FRMPD2: variants seen among roughly 807,000 people sequenced by gnomAD.
The protein encoded by FRMPD2 is FERM and PDZ domain-containing protein 2.
In FRMPD2, 96 loss-of-function variants were observed where a neutral mutation model predicts 140.1. The observed-to-expected ratio is 0.69, with a 90% CI of 0.58 to 0.81. The LOEUF (loss-of-function observed/expected upper bound fraction) is 0.81, where lower values mean the gene tolerates loss of function less well. Among genes scored for constraint, FRMPD2 ranks in the 40% least tolerant of loss-of-function variants. The probability of loss-of-function intolerance (pLI) is 0.00; values close to 1 mark genes in which losing one functional copy is unlikely to be tolerated. For synonymous variants in FRMPD2, 449 were observed against 547.6 expected (o/e 0.82, Z 2.52); for missense variants, 1,240 against 1,447.4 (o/e 0.86, Z 2.32).
chr10:48,174,215 A>T (rs2132410367), intron 24 of FRMPD2, among the ~76,000 whole-genome samples: 1 of 152,022 alleles, frequency 6.6e-6, no homozygotes, highest in Non-Finnish European at 1.5e-5. Context: ...TTGCCAAAAG[A>T]GGGTGATGCC....
rs1206565213 is a variant in FRMPD2, at chr10:48,184,643, C to T, written c.2507G>A (p.Gly836Asp). The change falls in exon 20 of 29, where the codon GGC (glycine) becomes GAC (aspartate). Residue 836 changes from glycine to aspartate, a missense_variant. Around this residue, in one of 6 missense-constraint regions of FRMPD2, gnomAD observed 1,161 missense variants for 1,055.9 expected, o/e 1.10. Coordinates refer to ENST00000374201, the MANE Select transcript of FRMPD2 (RefSeq NM_001018071.4). ...CCTAACAGCCATGTTGAATGTGAAG[C>T]CCTCCAGACTGATGTGATTCAGGGC... ...ILALNHISLEGFTFNMAVRMI... is the reference protein window; with the variant it reads ...ILALNHISLEDFTFNMAVRMI... 6.2e-7 allele frequency: 1 copy of T among 1,613,634 alleles called. No homozygotes were observed. Among genetic ancestry groups the T allele is most frequent in the Non-Finnish European group, 8.5e-7 (1 of 1,179,552 alleles).
chr10:48,236,627 G>A lies in FRMPD2; in HGVS notation c.922-74C>T, dbSNP rs1839973871. 2.0e-5 allele frequency: 27 copies of A among 1,340,112 alleles called. No homozygotes were observed. The East Asian group carries it at 5.8e-4, about 29-fold the overall frequency. 83.0% of individuals were successfully genotyped at this position (1,340,112 alleles called of 1,614,324 possible). A position where few individuals can be genotyped will look rare whatever the true frequency, so the allele number is the denominator to read the frequency against. On this transcript the variant is annotated intron_variant, in intron 8 of 28. Coordinates refer to ENST00000374201, the MANE Select transcript of FRMPD2 (RefSeq NM_001018071.4). Reference sequence around the variant, plus strand: ...TTTGGGTCTGGGCTTCCCCCATGATGCACCTCTGCAGCCCCCACCAGCATA... The same window carrying A: ...TTTGGGTCTGGGCTTCCCCCATGATACACCTCTGCAGCCCCCACCAGCATA...
At chr10:48,262,696 T>C (rs1840614511) in intron 1 of FRMPD2, among the ~76,000 whole-genome samples, 1 of 152,202 alleles carries the variant, frequency 6.6e-6, no homozygotes, top group Non-Finnish European at 1.5e-5. Flanking sequence ...GCATATTCTT[T>C]GCAGTTTCAC....
intron 8 of FRMPD2, among the ~76,000 whole-genome samples, chr10:48,237,257 C>A (rs980117556): frequency 6.6e-6 from 1 of 152,170 alleles, no homozygotes; most frequent in African/African-American, 2.4e-5. Flanking sequence ...AAAATTCCAG[C>A]CCAGAAGTGA....
chr10:48,172,844 G>A lies in FRMPD2; in HGVS notation c.3223+102C>T, dbSNP rs1159507687. 10 of 827,340 alleles carry A rather than the reference G, an allele frequency of 1.2e-5. No homozygotes were observed. The African/African-American group carries it at 1.5e-4, about 12-fold the overall frequency. The allele number at this position is 827,340 out of a possible 1,614,324, so 51.2% of individuals were successfully genotyped here. A position where few individuals can be genotyped will look rare whatever the true frequency, so the allele number is the denominator to read the frequency against. The stretch of plus-strand genomic sequence containing the variant: ...ATCACTATGGCTCGCTTTCTTTTCA[G>A]GACCCAGAGGAAGCCTTCCTGCCTT... On this transcript the variant is annotated intron_variant, in intron 25 of 28. Transcript: ENST00000374201.
chr10:48,263,559 A>T (rs984087425), intron 1 of FRMPD2, among the ~76,000 whole-genome samples: 1 of 152,170 alleles, frequency 6.6e-6, no homozygotes, highest in African/African-American at 2.4e-5. Flanking sequence ...GAAACGGACC[A>T]ATTCCTTGAA....
At chr10:48,240,713 A>T (rs1840087200) in intron 5 of FRMPD2, among the ~76,000 whole-genome samples, 1 of 152,120 alleles carries the variant, frequency 6.6e-6, no homozygotes, top group Non-Finnish European at 1.5e-5. Flanking sequence ...ACACTCACAC[A>T]CATCTGTGCC....
chr10:48,183,424 A>G (rs1838597676), intron 20 of FRMPD2, among the ~76,000 whole-genome samples: 1 of 152,162 alleles, frequency 6.6e-6, no homozygotes, highest in African/African-American at 2.4e-5. Context: ...ATTTTCCTTT[A>G]ATATAGGCAG....
chr10:48,221,270 C>T (rs1588838071), intron 12 of FRMPD2, among the ~76,000 whole-genome samples: 1 of 152,164 alleles, frequency 6.6e-6, no homozygotes, highest in East Asian at 1.9e-4. Context: ...AAAGGAATGA[C>T]ATAATGGCAT....
intron 1 of FRMPD2, among the ~76,000 whole-genome samples, chr10:48,253,326 A>G (rs924937457): frequency 6.6e-6 from 1 of 152,254 alleles, no homozygotes; most frequent in African/African-American, 2.4e-5. Flanking sequence ...GATTTAATAT[A>G]GAACATAAAA....
Position 48,185,589 on chromosome 10 carries a change from G to C in FRMPD2, c.2323C>G (p.Arg775Gly). Reference sequence around the variant, plus strand: ...TGTGGGTCACGTTTCAGTGTCACACGTACAATTTCTCGGCCCGGTTCAGCT... The same window carrying C: ...TGTGGGTCACGTTTCAGTGTCACACCTACAATTTCTCGGCCCGGTTCAGCT... ...FIAEPGREIV[R>G]VTLKRDPHRG... Residue 775 changes from arginine (R) to glycine (G), a missense_variant, in exon 18 of 29, where the codon CGT (arginine) becomes GGT (glycine). By Grantham distance (125) the Arg-to-Gly change is moderately radical. Around this residue, in one of 6 missense-constraint regions of FRMPD2, gnomAD observed 1,161 missense variants for 1,055.9 expected, o/e 1.10. Transcript: ENST00000374201. 3 of 1,614,046 alleles carry C rather than the reference G, an allele frequency of 1.9e-6. No individual in the cohort carries two copies. The highest frequency in any genetic ancestry group is 2.5e-6 in the Non-Finnish European group (3 of 1,179,956).
In FRMPD2 at chr10:48,223,262, A is replaced by C; in HGVS notation, c.1177T>G (p.Phe393Val). 3.7e-6 allele frequency: 6 copies of C among 1,612,066 alleles called. No homozygotes were observed. Among genetic ancestry groups the C allele is most frequent in the Non-Finnish European group, 5.1e-6 (6 of 1,178,920 alleles). ...FGLAYMKSKE[F>V]FFLDSETRLC... is the part of the protein sequence containing the mutation. ...CTGGTTTCACTGTCCAGGAAAAAGA[A>C]CTCTTTGCCTGAAATGGAAATAGAG... The change falls in exon 11 of 29, where the codon TTC (phenylalanine) becomes GTC (valine). Residue 393 changes from phenylalanine to valine, a missense_variant. By Grantham distance (50) the Phe-to-Val change is conservative. Coordinates refer to ENST00000374201, the MANE Select transcript of FRMPD2 (RefSeq NM_001018071.4).
At chr10:48,175,568 G>A (rs1838385011) in intron 23 of FRMPD2, among the ~76,000 whole-genome samples, 2 of 151,562 alleles carry the variant, frequency 1.3e-5, no homozygotes, top group Admixed American at 1.3e-4. Flanking sequence ...TTTTCCCATG[G>A]AGGCCAAAGA....
intron 27 of FRMPD2, among the ~76,000 whole-genome samples, chr10:48,163,916 T>G (rs1838023602): frequency 6.6e-6 from 1 of 151,210 alleles, no homozygotes; most frequent in Non-Finnish European, 1.5e-5. Flanking sequence ...ATAAAAAATA[T>G]TTGCAAAATT....
rs1839342190 is a variant in FRMPD2 at position 48,212,161 on chromosome 10, A to T, written c.1456-52T>A. ...GCACAATCCAGACACTGGCCGGGGG[A>T]CTCTGAGAGGAATGAAAACATTATC... On this transcript the variant is annotated intron_variant, in intron 12 of 28. Coordinates refer to ENST00000374201, the MANE Select transcript of FRMPD2 (RefSeq NM_001018071.4). 3.2e-6 allele frequency: 5 copies of T among 1,572,894 alleles called. No homozygotes were observed. The East Asian group carries it at 1.1e-4, about 36-fold the overall frequency.
chr10:48,254,046 T>C (rs890452054), intron 1 of FRMPD2, among the ~76,000 whole-genome samples: 1 of 151,332 alleles, frequency 6.6e-6, no homozygotes, highest in African/African-American at 2.5e-5. Context: ...AGGAAATTAC[T>C]CATCACCCTT....
At chr10:48,209,028 C>G (rs1839262852) in intron 13 of FRMPD2, among the ~76,000 whole-genome samples, 1 of 152,188 alleles carries the variant, frequency 6.6e-6, no homozygotes, top group Non-Finnish European at 1.5e-5. Flanking sequence ...ACAACCCCTT[C>G]TCATAATGCT....
At chr10:48,257,195 T>C (rs57706664) in intron 1 of FRMPD2, among the ~76,000 whole-genome samples, 10,718 of 151,806 alleles carry the variant, frequency 0.071, 1,282 homozygotes, top group African/African-American at 0.25. Flanking sequence ...TTTTTTTTTT[T>C]CTGCCTGTAA....
At chr10:48,202,283 C>G (rs1437792570) in intron 14 of FRMPD2, among the ~76,000 whole-genome samples, 1 of 152,082 alleles carries the variant, frequency 6.6e-6, no homozygotes, top group Non-Finnish European at 1.5e-5. Context: ...TTTATAGAAA[C>G]AGGGCTTATG....
Sources: gnomAD v4.1 joint callset for allele counts (sites outside exome capture counted in the v4.1 genomes callset) on GRCh38, gnomAD v4.1.1 for gene constraint, gnomAD v4.1.1 regional missense constraint, MANE v1.5 for transcripts, NCBI Gene and HGNC (gene_info 2026-07-23, HGNC 2026-07-21) for gene names.